The following ADGRL2 variants were observed in gnomAD, a reference collection of about 807,000 sequenced individuals.
ADGRL2 encodes the protein adhesion G protein-coupled receptor L2, also known as calcium-independent alpha-latrotoxin receptor 2.
ADGRL2 carries 44 observed loss-of-function variants against 157.4 expected under a neutral mutation model. That is an observed-to-expected ratio of 0.28 (90% CI 0.22 to 0.36). The LOEUF is 0.36. Ranked by LOEUF, ADGRL2 falls within the 10% of genes least tolerant of loss-of-function variation. ADGRL2 has a pLI of 1.00. For missense variants in ADGRL2, 1,510 were observed against 1,768.9 expected (o/e 0.85, Z 2.63); for synonymous variants, 585 against 624.7 (o/e 0.94, Z 0.95).
chr1:81,595,693 T>C (rs1428279813), intron 3 of ADGRL2, among the ~76,000 whole-genome samples: 1 of 152,232 alleles, frequency 6.6e-6, no homozygotes, highest in Non-Finnish European at 1.5e-5. Context: ...TTTGGCAAGA[T>C]ATAAATAATT....
At chr1:81,702,285 A>G (rs2083597399) in intron 1 of ADGRL2, among the ~76,000 whole-genome samples, 1 of 152,174 alleles carries the variant, frequency 6.6e-6, no homozygotes, top group African/African-American at 2.4e-5. Context: ...CGTGTTTTCA[A>G]TATGACCAGC....
chr1:81,723,061 G>A (rs1422535569), intron 1 of ADGRL2: 9 of 747,456 alleles, frequency 1.2e-5, no homozygotes, highest in Non-Finnish European at 2.2e-5. Flanking sequence ...CCAATTGGGA[G>A]TCAAGCACAG....
intron 2 of ADGRL2, among the ~76,000 whole-genome samples, chr1:81,853,430 G>T (rs984314523): frequency 3.9e-5 from 6 of 152,226 alleles, no homozygotes; most frequent in African/African-American, 1.4e-4. Context: ...TGAAAAAGAT[G>T]ATTGCTTTCA....
At chr1:81,426,675 G>GTTCCA (rs1186656878) in intron 1 of ADGRL2, 2 of 467,694 alleles carry the variant, frequency 4.3e-6, no homozygotes, top group Non-Finnish European at 8.3e-6. Flanking sequence ...CAAAGAAAAC[G>GTTCCA]TTCCAGGGGG....
At chr1:81,340,461 G>A (rs1661991034) in intron 1 of ADGRL2, among the ~76,000 whole-genome samples, 1 of 151,982 alleles carries the variant, frequency 6.6e-6, no homozygotes, top group Middle Eastern at 3.2e-3. Context: ...AGGGTAGCAG[G>A]GTCATCTGAT....
intron 1 of ADGRL2, among the ~76,000 whole-genome samples, chr1:81,802,336 G>T (rs1423501078): frequency 6.6e-6 from 1 of 152,098 alleles, no homozygotes; most frequent in African/African-American, 2.4e-5. Flanking sequence ...GGGAGCCGCG[G>T]GTTAATGGGG....
intron 3 of ADGRL2, among the ~76,000 whole-genome samples, chr1:81,589,257 TAA>T (rs1181997346): frequency 1.3e-5 from 2 of 152,114 alleles, no homozygotes; most frequent in Middle Eastern, 3.2e-3. Flanking sequence ...TTGGTCCAAT[TAA>T]CATGATTTTA....
chr1:81,618,573 G>A (rs1381204806), intron 3 of ADGRL2, among the ~76,000 whole-genome samples: 1 of 152,164 alleles, frequency 6.6e-6, no homozygotes, highest in East Asian at 1.9e-4. Flanking sequence ...ATTGTACCAA[G>A]AAATTCCCTC....
chr1:81,524,009 G>C (rs2079389193), intron 2 of ADGRL2, among the ~76,000 whole-genome samples: 1 of 151,772 alleles, frequency 6.6e-6, no homozygotes, highest in Non-Finnish European at 1.5e-5. Context: ...AGGTTGCAGT[G>C]AGCCAAGATT....
intron 2 of ADGRL2, among the ~76,000 whole-genome samples, chr1:81,785,210 T>A (rs1338464541): frequency 6.6e-6 from 1 of 152,158 alleles, no homozygotes; most frequent in Non-Finnish European, 1.5e-5. Context: ...TAGATAATTA[T>A]TTAATAAAGT....
chr1:81,940,017 TATCA>T (rs1302894193), intron 4 of ADGRL2, among the ~76,000 whole-genome samples: 8 of 151,382 alleles, frequency 5.3e-5, no homozygotes, highest in Non-Finnish European at 1.2e-4. Flanking sequence ...CAATATGTGA[TATCA>T]ATTAAATCTC....
intron 1 of ADGRL2, among the ~76,000 whole-genome samples, chr1:81,378,699 T>A (rs1276682467): frequency 6.6e-6 from 1 of 151,798 alleles, no homozygotes; most frequent in Non-Finnish European, 1.5e-5. Context: ...AACATATACC[T>A]CATTGGGAAA....
In ADGRL2 at chr1:81,801,049, C is replaced by G. The variant is rs1271106533; in HGVS notation, c.-120C>G. Among the ~76,000 whole-genome samples, 1 of 151,614 alleles carries G rather than the reference C, an allele frequency of 6.6e-6. No homozygotes were observed. Among genetic ancestry groups the G allele is most frequent in the East Asian group, 2.0e-4 (1 of 5,112 alleles). ...GCGGCTGCTTGGCCACCGCCACCGC[C>G]GTCCGAAGGGCTCGAGCCCGTAAGT... is the stretch of plus-strand genomic sequence containing the variant. On this transcript the variant is annotated 5_prime_UTR_variant, in exon 1 of 24. Transcript: ENST00000686636.
chr1:81,494,724 T>G (rs925998121), intron 2 of ADGRL2, among the ~76,000 whole-genome samples: 1 of 152,162 alleles, frequency 6.6e-6, no homozygotes, highest in Non-Finnish European at 1.5e-5. Flanking sequence ...TCTCTCTCTT[T>G]ACAATTTTAC....
At chr1:81,366,328 T>C (rs2076066123) in intron 1 of ADGRL2, among the ~76,000 whole-genome samples, 1 of 151,446 alleles carries the variant, frequency 6.6e-6, no homozygotes, top group African/African-American at 2.4e-5. Flanking sequence ...TTTAGTGAGA[T>C]ATGTTCTTTT....
intron 1 of ADGRL2, among the ~76,000 whole-genome samples, chr1:81,340,861 A>T (rs774711321): frequency 2.0e-5 from 3 of 151,620 alleles, no homozygotes; most frequent in Admixed American, 6.6e-5. Flanking sequence ...TCACTCAGAC[A>T]TTCTCTCATG....
In ADGRL2 at chr1:81,681,757, G is replaced by C. The variant is rs914939422; in HGVS notation, c.-142-80054G>C. Among the ~76,000 whole-genome samples the C allele has an allele frequency of 2.6e-5, 4 of 152,292 alleles. No homozygotes were observed. In the East Asian group the frequency reaches 7.8e-4, roughly 30 times the overall value. On this transcript the variant is annotated intron_variant, in intron 3 of 24. Coordinates refer to the ADGRL2 transcript ENST00000370721. ...ATAGCACCGCAACAGCAGCAAAGCA[G>C]GTGGGGCTTTGCCAAGCACTTGTTT...
chr1:81,714,538 G>T (rs1444472561), intron 1 of ADGRL2, among the ~76,000 whole-genome samples: 2 of 151,986 alleles, frequency 1.3e-5, no homozygotes, highest in African/African-American at 4.8e-5. Flanking sequence ...GCAATTTATA[G>T]AGTAAAAAAC....
intron 3 of ADGRL2, among the ~76,000 whole-genome samples, chr1:81,673,718 C>T (rs1349940735): frequency 1.3e-5 from 2 of 151,930 alleles, no homozygotes; most frequent in Admixed American, 6.6e-5. Flanking sequence ...AGGGTTTCAC[C>T]GTGTTAGCCA....
Sources: gnomAD v4.1 joint callset for allele counts (sites outside exome capture counted in the v4.1 genomes callset) on GRCh38, gnomAD v4.1.1 for gene constraint, MANE v1.5 for transcripts, NCBI Gene and HGNC (gene_info 2026-07-23, HGNC 2026-07-21) for gene names.